ABCA6: variants seen among roughly 807,000 people sequenced by gnomAD.
The protein encoded by ABCA6 is ATP-binding cassette sub-family A member 6.
ABCA6 carries 164 observed loss-of-function variants against 191.2 expected under a neutral mutation model. That is an observed-to-expected ratio of 0.86 (90% CI 0.76 to 0.98). ABCA6 has a LOEUF of 0.98. Ranked by LOEUF, ABCA6 falls within the 50% of genes least tolerant of loss-of-function variation. ABCA6 has a pLI of 0.00. For synonymous variants in ABCA6, 636 were observed against 647.7 expected, an observed-to-expected ratio of 0.98 and a Z score of 0.27; for missense variants, 1,958 against 1,894.1, an observed-to-expected ratio of 1.03 and a Z score of -0.63.
intron 9 of ABCA6, among the ~76,000 whole-genome samples, chr17:69,123,837 G>T (rs1260805908): frequency 6.6e-6 from 1 of 151,882 alleles, no homozygotes; most frequent in Non-Finnish European, 1.5e-5. Flanking sequence ...TTTTTTTCCA[G>T]TCTTAACAAT....
At chr17:69,129,903 A>C (rs1445427292) in intron 6 of ABCA6, 152 bp from the exon 7 acceptor site, 1 of 577,724 alleles carries the variant, frequency 1.7e-6, no homozygotes, top group Non-Finnish European at 2.9e-6. Flanking sequence ...AGCTCATTGC[A>C]TATCCTTTTT....
In ABCA6 at chr17:69,106,137, C is replaced by T; in HGVS notation, c.2464G>A (p.Glu822Lys). Residue 822 changes from glutamate to lysine, a missense_variant, in exon 19 of 39, where the codon GAA (glutamate) becomes AAA (lysine). Coordinates refer to ENST00000284425, the MANE Select transcript of ABCA6 (RefSeq NM_080284.3). ...EMELAHSSFS[E>K]MQTAVSDMGL... ...ATGTCACTCACAGCTGTCTGCATTT[C>T]AGAGAAGGAAGAGTGAGCCAGCTCC... 2 of 1,613,962 alleles carry T rather than the reference C, an allele frequency of 1.2e-6. No individual in the cohort carries two copies. Among genetic ancestry groups the T allele is most frequent in the Non-Finnish European group, 1.7e-6 (2 of 1,179,906 alleles).
chr17:69,141,330 TTC>T (rs2074021984), intron 1 of ABCA6, among the ~76,000 whole-genome samples: 1 of 152,034 alleles, frequency 6.6e-6, no homozygotes, highest in African/African-American at 2.4e-5. Context: ...ATAAAGCAAT[TTC>T]TCTCAATTTT....
At chr17:69,122,611 C>T (rs2073669943) in intron 10 of ABCA6, among the ~76,000 whole-genome samples, 2 of 151,924 alleles carry the variant, frequency 1.3e-5, no homozygotes, top group South Asian at 4.2e-4. Context: ...ATTTCTGATT[C>T]AGAATTTCTT....
intron 37 of ABCA6, among the ~76,000 whole-genome samples, chr17:69,079,548 A>C (rs1342479094): frequency 6.6e-6 from 1 of 152,206 alleles, no homozygotes; most frequent in Admixed American, 6.5e-5. Flanking sequence ...GAAGAACTAC[A>C]TCATTGATCA....
At chr17:69,087,580 GGTGATGAT>G in intron 28 of ABCA6, 107 bp from the exon 29 acceptor site, 1 of 1,426,220 alleles carries the variant, frequency 7.0e-7, no homozygotes, top group African/African-American at 1.4e-5. Flanking sequence ...CTAATGTGCA[GGTGATGAT>G]GTGATGATGA....
At chr17:69,108,390 T>A (rs2144663248) in intron 17 of ABCA6, 1 of 152,476 alleles carries the variant, frequency 6.6e-6, no homozygotes. Context: ...CCACTCTATA[T>A]AAACCTCAGC....
At chr17:69,098,900 A>C (rs1252890544) in intron 22 of ABCA6, among the ~76,000 whole-genome samples, 1 of 152,102 alleles carries the variant, frequency 6.6e-6, no homozygotes, top group African/African-American at 2.4e-5. Flanking sequence ...ACTTAATACT[A>C]CTCAACTGTA....
intron 15 of ABCA6, chr17:69,112,643 A>G: frequency 5.4e-6 from 1 of 183,930 alleles, no homozygotes. Flanking sequence ...ATAGACACTG[A>G]AGACTCGGAA....
intron 30 of ABCA6, 74 bp from the exon 31 acceptor site, chr17:69,085,790 TCTTC>T: frequency 3.8e-6 from 4 of 1,056,874 alleles, no homozygotes; most frequent in Non-Finnish European, 5.8e-6. Context: ...TCCAGTGAAA[TCTTC>T]TGAGATTTCT....
At chr17:69,124,816 A>G (rs568660888) in intron 9 of ABCA6, 72 bp downstream of exon 9, 9 of 845,190 alleles carry the variant, frequency 1.1e-5, no homozygotes, top group South Asian at 2.6e-5. Context: ...TTAAAAGTCT[A>G]TATAATCTTA....
rs900000509 is a variant in ABCA6, at chr17:69,139,102, T to C, written c.96+1506A>G. The stretch of plus-strand genomic sequence containing the variant: ...AAAGCTAAAATTGACAAATGAGATC[T>C]AATTAAACTAAAGAGCTTCTGCACA... On this transcript the variant is annotated intron_variant, in intron 2 of 38. Coordinates refer to ENST00000284425, the MANE Select transcript of ABCA6 (RefSeq NM_080284.3). Among the ~76,000 whole-genome samples, 9 of 152,232 alleles carry C rather than the reference T, an allele frequency of 5.9e-5. No individual in the cohort carries two copies. In the South Asian group the frequency reaches 1.7e-3, roughly 28 times the overall value.
rs769974219 is a variant in ABCA6, at chr17:69,083,019, G to T, written c.4476-6C>A. 3.1e-6 allele frequency: 5 copies of T among 1,612,690 alleles called. No individual in the cohort carries two copies. The highest frequency in any genetic ancestry group is 4.2e-6 in the Non-Finnish European group (5 of 1,179,606). ...GTTGGATGGAGCCAATGCATCTATG[G>T]GCAAGAAAGAGAATATGTTGGAAAA... On this transcript the variant is annotated splice_polypyrimidine_tract_variant and splice_region_variant and intron_variant, in intron 35 of 38. Transcript: ENST00000284425.
intron 8 of ABCA6, among the ~76,000 whole-genome samples, chr17:69,126,762 G>A (rs527687097): frequency 2.0e-5 from 3 of 152,160 alleles, no homozygotes; most frequent in South Asian, 2.1e-4. Context: ...CGAACTGATC[G>A]AATAATTCAA....
Position 69,114,909 on chromosome 17 carries a change from G to A in ABCA6, c.1635C>T (p.Leu545=), listed in dbSNP as rs771858355. 6.8e-6 allele frequency: 11 copies of A among 1,611,292 alleles called. No individual in the cohort carries two copies. In the East Asian group the frequency reaches 1.6e-4, roughly 23 times the overall value. The part of the protein sequence containing the change: ...EGSVTIYNKN[L]SEMQDLEEIR... Reference sequence around the variant, plus strand: ...TTTCCTCCAAGTCTTGCATTTCAGAGAGATTTTTATTATAGATGGTAACTG... The same window carrying A: ...TTTCCTCCAAGTCTTGCATTTCAGAAAGATTTTTATTATAGATGGTAACTG... The change falls in exon 13 of 39, where the codon CTC becomes CTT. Residue 545 remains leucine, a synonymous_variant. Coordinates refer to ENST00000284425, the MANE Select transcript of ABCA6 (RefSeq NM_080284.3).
Position 69,128,765 on chromosome 17 carries a change from C to A in ABCA6, c.973G>T (p.Ala325Ser), listed in dbSNP as rs1489270981. 1 of 1,609,768 alleles carries A rather than the reference C, an allele frequency of 6.2e-7. No individual in the cohort carries two copies. Among genetic ancestry groups the A allele is most frequent in the South Asian group, 1.1e-5 (1 of 90,170 alleles). ...AACACAACCAAATTGGTGAGGACAGCTTTCTTTAACAGCACACTCATCAGG... is the reference window on the plus strand; with the variant it reads ...AACACAACCAAATTGGTGAGGACAGATTTCTTTAACAGCACACTCATCAGG... ...VFLMSVLLKKAVLTNLVVFLL... is the reference protein window; with the variant it reads ...VFLMSVLLKKSVLTNLVVFLL... Residue 325 changes from alanine (A) to serine (S), a missense_variant, in exon 8 of 39, where the codon GCT becomes TCT. Coordinates refer to ENST00000284425, the MANE Select transcript of ABCA6 (RefSeq NM_080284.3).
intron 22 of ABCA6, among the ~76,000 whole-genome samples, chr17:69,099,925 ACTTCCCTTTGGATGG>A (rs1427586892): frequency 8.5e-6 from 1 of 118,266 alleles, no homozygotes; most frequent in Non-Finnish European, 1.9e-5. Flanking sequence ...CACAAAATGG[ACTTCCCTTTGGATGG>A]CTTCATTTCT....
intron 10 of ABCA6, among the ~76,000 whole-genome samples, chr17:69,118,940 A>T (rs893537450): frequency 1.1e-3 from 167 of 152,136 alleles, no homozygotes; most frequent in African/African-American, 3.9e-3. Flanking sequence ...TCTCTCACAC[A>T]CACACACACA....
intron 1 of ABCA6, among the ~76,000 whole-genome samples, chr17:69,141,026 T>C (rs1389571723): frequency 6.6e-6 from 1 of 152,028 alleles, no homozygotes; most frequent in Non-Finnish European, 1.5e-5. Context: ...TTTGGCCTTG[T>C]ATGAGAGAAC....
Sources: allele counts gnomAD v4.1 joint callset (sites outside exome capture counted in the v4.1 genomes callset), GRCh38; gene constraint gnomAD v4.1.1; transcripts MANE v1.5; gene names NCBI Gene and HGNC (gene_info 2026-07-23, HGNC 2026-07-21).